The following PCDH15 variants were observed in gnomAD, a reference collection of about 807,000 sequenced individuals.
The protein encoded by PCDH15 is protocadherin-15.
PCDH15 carries 129 observed loss-of-function variants against 178.5 expected under a neutral mutation model. That is an observed-to-expected ratio of 0.72 (90% CI 0.63 to 0.84). The LOEUF (loss-of-function observed/expected upper bound fraction) is 0.84. PCDH15 is among the 40% of genes least tolerant of loss of function. The pLI is 0.00. For synonymous variants in PCDH15, 800 were observed against 732.0 expected (o/e 1.09, Z -1.50); for missense variants, 2,230 against 2,099.9 (o/e 1.06, Z -1.21).
chr10:55,326,507 C>T (rs1184806277), intron 2 of PCDH15, among the ~76,000 whole-genome samples: 1 of 151,714 alleles, frequency 6.6e-6, no homozygotes, highest in Non-Finnish European at 1.5e-5. Context: ...TGCAGCTTGC[C>T]TGTATAACAA....
intron 15 of PCDH15, among the ~76,000 whole-genome samples, chr10:54,103,016 A>G (rs917119017): frequency 6.6e-6 from 1 of 152,134 alleles, no homozygotes; most frequent in Non-Finnish European, 1.5e-5. Context: ...CTCCTTGGAG[A>G]AGGATGGAAG....
chr10:54,576,329 G>A lies in PCDH15; in HGVS notation c.92-48452C>T, dbSNP rs142474251. 3.8e-3 allele frequency among the ~76,000 whole-genome samples: 574 copies of A among 152,254 alleles called. 2 individuals are homozygous for A. Among genetic ancestry groups the A allele is most frequent in the Non-Finnish European group, 6.8e-3 (464 of 68,022 alleles). On this transcript the variant is annotated intron_variant, in intron 2 of 37. Coordinates refer to ENST00000644397, the MANE Select transcript of PCDH15 (RefSeq NM_001384140.1). ...TCATGTAGTTAGCGATTTAAGTTAA[G>A]ACCAGACTTGGAGAAATAAATATTA...
intron 20 of PCDH15, among the ~76,000 whole-genome samples, chr10:54,001,580 A>C (rs1419385689): frequency 6.6e-6 from 1 of 152,138 alleles, no homozygotes; most frequent in Non-Finnish European, 1.5e-5. Context: ...AGATACATAA[A>C]AAATAAAAAG....
intron 2 of PCDH15, among the ~76,000 whole-genome samples, chr10:54,543,316 G>A (rs984449306): frequency 1.3e-5 from 2 of 152,176 alleles, no homozygotes; most frequent in Non-Finnish European, 2.9e-5. Context: ...AATTAAGCTG[G>A]TTAACACAAA....
At chr10:54,642,345 T>C (rs1167009648) in intron 2 of PCDH15, among the ~76,000 whole-genome samples, 3 of 152,196 alleles carry the variant, frequency 2.0e-5, no homozygotes, top group Non-Finnish European at 4.4e-5. Flanking sequence ...GTTATGTTTA[T>C]AGCAACTGTC....
At chr10:55,601,539 A>G (rs758928198) in intron 2 of PCDH15, among the ~76,000 whole-genome samples, 11 of 152,208 alleles carry the variant, frequency 7.2e-5, no homozygotes, top group Admixed American at 3.3e-4. Context: ...TGTTATAAGC[A>G]AGTACAAGTA....
At position 54,697,715 on chromosome 10, in the gene PCDH15, G is replaced by T. The variant is rs183927118; in HGVS notation, c.-28-33425C>A. Among the ~76,000 whole-genome samples the T allele has an allele frequency of 1.7e-3, 245 of 147,406 alleles. 2 individuals carry two copies. Among genetic ancestry groups the T allele is most frequent in the African/African-American group, 5.8e-3 (231 of 39,958 alleles). ...AGGAAGGGAGGAAGGGAGGGAGGAA[G>T]GGAGGAAGGAAGTAAGGAAGAGGCA... is the stretch of plus-strand genomic sequence containing the variant. On this transcript the variant is annotated intron_variant, in intron 1 of 37. Transcript: ENST00000644397.
intron 9 of PCDH15, among the ~76,000 whole-genome samples, chr10:54,227,917 T>C (rs2053627312): frequency 6.6e-6 from 1 of 152,168 alleles, no homozygotes; most frequent in South Asian, 2.1e-4. Context: ...GTTCCTCATC[T>C]CTATCTGAGA....
intron 10 of PCDH15, among the ~76,000 whole-genome samples, chr10:54,201,906 C>T (rs1456296649): frequency 6.6e-6 from 1 of 152,158 alleles, no homozygotes; most frequent in African/African-American, 2.4e-5. Context: ...ACATTCTTGC[C>T]AGTCTTATGA....
chr10:54,007,350 T>C (rs1053792825), intron 20 of PCDH15, among the ~76,000 whole-genome samples: 3 of 152,142 alleles, frequency 2.0e-5, no homozygotes, highest in African/African-American at 4.8e-5. Context: ...TCTAGAAATA[T>C]ACAAGAAAAA....
intron 3 of PCDH15, among the ~76,000 whole-genome samples, chr10:54,475,899 T>C (rs1323020826): frequency 6.6e-6 from 1 of 150,766 alleles, no homozygotes; most frequent in Non-Finnish European, 1.5e-5. Context: ...ATATATATAA[T>C]GAAAGTGTTA....
chr10:53,896,849 T>A (rs2081987563), intron 26 of PCDH15, among the ~76,000 whole-genome samples: 1 of 152,154 alleles, frequency 6.6e-6, no homozygotes, highest in African/African-American at 2.4e-5. Flanking sequence ...CTGTCTCTCA[T>A]CACACCCAGA....
intron 2 of PCDH15, among the ~76,000 whole-genome samples, chr10:55,541,040 A>G (rs1841747764): frequency 6.6e-6 from 1 of 152,100 alleles, no homozygotes; most frequent in African/African-American, 2.4e-5. Flanking sequence ...CCGACATAGG[A>G]TTCGGCACAG....
At chr10:54,963,520 A>G (rs1838708744) in intron 2 of PCDH15, among the ~76,000 whole-genome samples, 1 of 152,150 alleles carries the variant, frequency 6.6e-6, no homozygotes, top group Admixed American at 6.5e-5. Flanking sequence ...CCCTGAAACA[A>G]TTCACTTGAC....
intron 37 of PCDH15, chr10:53,809,524 T>C (rs544336775): frequency 6.2e-7 from 1 of 1,607,222 alleles, no homozygotes; most frequent in Admixed American, 1.7e-5. Flanking sequence ...AACCTTTGGT[T>C]TTTTAATTTT....
intron 2 of PCDH15, among the ~76,000 whole-genome samples, chr10:55,544,466 C>T (rs971416489): frequency 8.6e-5 from 13 of 151,850 alleles, no homozygotes; most frequent in African/African-American, 2.9e-4. Flanking sequence ...GTCTGTTCTC[C>T]AAAATCTTCT....
intron 2 of PCDH15, among the ~76,000 whole-genome samples, chr10:54,597,680 A>T (rs2092308150): frequency 6.6e-6 from 1 of 152,138 alleles, no homozygotes; most frequent in Non-Finnish European, 1.5e-5. Context: ...CATTCAAAAG[A>T]TCAACGAAGC....
intron 13 of PCDH15, among the ~76,000 whole-genome samples, chr10:54,176,555 T>C (rs1342409347): frequency 6.6e-6 from 1 of 152,206 alleles, no homozygotes; most frequent in Non-Finnish European, 1.5e-5. Context: ...CTCGGATTCA[T>C]AACATGAAGG....
At chr10:55,272,359 T>A (rs1379891049) in intron 1 of PCDH15, among the ~76,000 whole-genome samples, 2 of 150,486 alleles carry the variant, frequency 1.3e-5, no homozygotes, top group Non-Finnish European at 3.0e-5. Flanking sequence ...TGCCTTATTT[T>A]ATTTTTATTT....
Sources: gnomAD v4.1 joint callset for allele counts (sites outside exome capture counted in the v4.1 genomes callset) on GRCh38, gnomAD v4.1.1 for gene constraint, MANE v1.5 for transcripts, NCBI Gene and HGNC (gene_info 2026-07-23, HGNC 2026-07-21) for gene names.